The following CCNYL1 variants were observed in gnomAD, a reference collection of about 807,000 sequenced individuals.
CCNYL1 encodes cyclin Y like 1, also known as cyclin-Y-like protein 1.
In CCNYL1, 16 loss-of-function variants were observed where a neutral mutation model predicts 44.2. The ratio of observed to expected loss-of-function variants is 0.36; its 90% CI spans 0.25 to 0.55. CCNYL1 has a LOEUF of 0.55. Among genes scored for constraint, CCNYL1 ranks in the 20% least tolerant of loss-of-function variants. CCNYL1 has a pLI of 0.85. For missense variants in CCNYL1, 348 were observed against 451.8 expected (o/e 0.77, Z 2.08); for synonymous variants, 159 against 163.2 (o/e 0.97, Z 0.20).
At chr2:207,721,397 G>T in intron 1 of CCNYL1, among the ~76,000 whole-genome samples, 1 of 152,050 alleles carries the variant, frequency 6.6e-6, no homozygotes, top group East Asian at 1.9e-4. Flanking sequence ...TTAGCCTTTA[G>T]TAATAATGCA....
intron 1 of CCNYL1, among the ~76,000 whole-genome samples, chr2:207,720,900 C>T (rs567139902): frequency 1.6e-4 from 24 of 152,158 alleles, no homozygotes; most frequent in East Asian, 9.6e-4. Flanking sequence ...AGCAGTGTTT[C>T]GGAAACCAGA....
rs1257450563 is a variant in CCNYL1 at position 207,712,931 on chromosome 2, T to TCA, written c.220+816_220+817dup. Among the ~76,000 whole-genome samples the TCA allele has an allele frequency of 9.8e-5, 15 of 152,326 alleles. No homozygotes were observed. In the East Asian group the frequency reaches 2.7e-3, roughly 27 times the overall value. On this transcript the variant is annotated intron_variant, in intron 1 of 9. Transcript: ENST00000295414. Reference sequence around the variant, plus strand: ...CTCGGTTTCAAGCGATTCCTCTGCCTCAGCCTCCCGAGTAGCTGGGATTAC... The same window carrying TCA: ...CTCGGTTTCAAGCGATTCCTCTGCCTCACAGCCTCCCGAGTAGCTGGGATTAC...
intron 3 of CCNYL1, among the ~76,000 whole-genome samples, chr2:207,728,852 A>G (rs538582424): frequency 6.6e-6 from 1 of 151,998 alleles, no homozygotes; most frequent in Admixed American, 6.5e-5. Context: ...GCTTGAGTGC[A>G]GTGGCGTGAT....
rs2091559758 is a variant in CCNYL1, at chr2:207,712,616, A to ATTT, written c.220+501_220+502insTTT. Among the ~76,000 whole-genome samples the ATTT allele has an allele frequency of 2.8e-4, 42 of 152,098 alleles. 1 individual carries two copies. Among genetic ancestry groups the ATTT allele is most frequent in the Admixed American group, 2.8e-3 (42 of 15,270 alleles). ...GATGCCCGCGACAGTTTAGACCCAG[A>ATTT]TGTTTGAGGATTTCTTATCTAGACT... On this transcript the variant is annotated intron_variant, in intron 1 of 9. Transcript: ENST00000295414.
intron 1 of CCNYL1, 102 bp downstream of exon 1, chr2:207,712,218 C>T (rs980854228): frequency 1.1e-5 from 10 of 950,614 alleles, no homozygotes; most frequent in Non-Finnish European, 1.5e-5. Flanking sequence ...TCCTTCCTGC[C>T]GGTAGCCGGC....
intron 3 of CCNYL1, among the ~76,000 whole-genome samples, chr2:207,732,678 G>T (rs2091737204): frequency 6.6e-6 from 1 of 151,880 alleles, no homozygotes; most frequent in Middle Eastern, 3.4e-3. Context: ...TCAATGACTG[G>T]GATTTGGTTA....
chr2:207,732,304 T>A (rs2091734567), intron 3 of CCNYL1, among the ~76,000 whole-genome samples: 1 of 152,212 alleles, frequency 6.6e-6, no homozygotes, highest in South Asian at 2.1e-4. Flanking sequence ...GAAGGAGAAT[T>A]TGGTCCTTCA....
chr2:207,734,856 C>T (rs1344886772), intron 4 of CCNYL1, among the ~76,000 whole-genome samples: 1 of 152,096 alleles, frequency 6.6e-6, no homozygotes, highest in Non-Finnish European at 1.5e-5. Flanking sequence ...ACTTTCCTCT[C>T]TCACTTAAAA....
rs1439703424 is a variant in CCNYL1, at chr2:207,754,865, A to AAAATT, written c.*1171_*1175dup. On this transcript the variant is annotated 3_prime_UTR_variant, in exon 10 of 10. Coordinates refer to ENST00000295414, the MANE Select transcript of CCNYL1 (RefSeq NM_001330218.2). ...TGATAGCAGACATTGACTGAAACAAAAAATTAAAAGCTTTATATTCAAAAT... is the reference window on the plus strand; with the variant it reads ...TGATAGCAGACATTGACTGAAACAAAAAATTAAATTAAAAGCTTTATATTCAAAAT... 1.3e-5 allele frequency: 2 copies of AAAATT among 152,638 alleles called. No individual in the cohort carries two copies. The highest frequency in any genetic ancestry group is 4.8e-5 in the African/African-American group (2 of 41,428). 9.5% of individuals were successfully genotyped at this position (152,638 alleles called of 1,614,324 possible). A position where few individuals can be genotyped will look rare whatever the true frequency, so the allele number is the denominator to read the frequency against.
chr2:207,717,862 T>C (rs930140060), intron 1 of CCNYL1, among the ~76,000 whole-genome samples: 60 of 151,746 alleles, frequency 4.0e-4, no homozygotes, highest in Non-Finnish European at 3.4e-4. Flanking sequence ...TTAGTTGTGA[T>C]AGGAAACCAT....
At chr2:207,745,492 G>C (rs1368151652) in intron 7 of CCNYL1, among the ~76,000 whole-genome samples, 2 of 152,202 alleles carry the variant, frequency 1.3e-5, no homozygotes, top group Non-Finnish European at 2.9e-5. Context: ...ACCCTGTTAG[G>C]ATACTGAGAG....
At chr2:207,742,005 G>A (rs35207903) in intron 6 of CCNYL1, among the ~76,000 whole-genome samples, 1 of 151,512 alleles carries the variant, frequency 6.6e-6, no homozygotes, top group African/African-American at 2.4e-5. Flanking sequence ...ACAAAAACTA[G>A]CTGGGCGTGG....
chr2:207,714,630 G>T (rs1022840616), intron 1 of CCNYL1: 1 of 185,612 alleles, frequency 5.4e-6, no homozygotes, highest in Non-Finnish European at 1.1e-5. Context: ...TTAGAAGCTG[G>T]CAAGAGGGAA....
intron 1 of CCNYL1, among the ~76,000 whole-genome samples, chr2:207,723,225 C>T (rs2091654652): frequency 6.6e-6 from 1 of 152,114 alleles, no homozygotes. Flanking sequence ...AGTGATCTGG[C>T]AGTACTATTA....
At chr2:207,736,285 G>T (rs925946748) in intron 4 of CCNYL1, among the ~76,000 whole-genome samples, 1 of 152,186 alleles carries the variant, frequency 6.6e-6, no homozygotes, top group Non-Finnish European at 1.5e-5. Context: ...ACATTGTATG[G>T]ACTTAAAATT....
intron 3 of CCNYL1, among the ~76,000 whole-genome samples, chr2:207,727,596 C>T (rs1480048752): frequency 6.6e-6 from 1 of 152,020 alleles, no homozygotes; most frequent in Non-Finnish European, 1.5e-5. Context: ...GCTATTTTTC[C>T]CCCCAAATGT....
At chr2:207,731,141 A>G (rs1470737474) in intron 3 of CCNYL1, among the ~76,000 whole-genome samples, 1 of 152,190 alleles carries the variant, frequency 6.6e-6, no homozygotes, top group Non-Finnish European at 1.5e-5. Context: ...ACAAAATGTC[A>G]GAAATTTTTA....
chr2:207,751,006 G>A lies in CCNYL1; in HGVS notation c.856G>A (p.Val286Ile), dbSNP rs2091886670. The A allele has an allele frequency of 6.2e-7, 1 of 1,613,998 alleles. No homozygotes were observed. The highest frequency in any genetic ancestry group is 8.5e-7 in the Non-Finnish European group (1 of 1,179,914). The stretch of plus-strand genomic sequence containing the variant: ...GGAGCTTCTTCAGTTTAATATTAAT[G>A]TTCCTGCCAGTGTTTATGCCAAATA... ...FLELLQFNIN[V>I]PASVYAKYYF... is the part of the protein sequence containing the mutation. The change falls in exon 9 of 10, where the codon GTT (valine) becomes ATT (isoleucine). Residue 286 changes from valine to isoleucine, a missense_variant. Val to Ile is a conservative substitution (Grantham distance 29). Coordinates refer to ENST00000295414, the MANE Select transcript of CCNYL1 (RefSeq NM_001330218.2).
At chr2:207,713,308 A>G (rs1223830311) in intron 1 of CCNYL1, among the ~76,000 whole-genome samples, 1 of 152,160 alleles carries the variant, frequency 6.6e-6, no homozygotes, top group Non-Finnish European at 1.5e-5. Context: ...TTTATAATGT[A>G]ATGGTTTGGA....
Sources: gnomAD v4.1 joint callset for allele counts (sites outside exome capture counted in the v4.1 genomes callset) on GRCh38, gnomAD v4.1.1 for gene constraint, MANE v1.5 for transcripts, NCBI Gene and HGNC (gene_info 2026-07-23, HGNC 2026-07-21) for gene names.